RYR3: variants seen among roughly 807,000 people sequenced by gnomAD.
The protein encoded by RYR3 is ryanodine receptor 3.
A neutral mutation model predicts 584.3 loss-of-function variants in RYR3; 207 were observed. The ratio of observed to expected loss-of-function variants is 0.35; its 90% CI spans 0.32 to 0.40. The LOEUF (loss-of-function observed/expected upper bound fraction) is 0.40. RYR3 is among the 10% of genes least tolerant of loss of function. RYR3 has a pLI of 1.00. For missense variants in RYR3, 5,616 were observed against 6,089.2 expected (o/e 0.92, Z 2.59); for synonymous variants, 2,416 against 2,248.5 (o/e 1.07, Z -2.11).
intron 82 of RYR3, 35 bp downstream of exon 82, chr15:33,825,711 C>T: frequency 2.0e-6 from 2 of 1,001,788 alleles, no homozygotes; most frequent in Non-Finnish European, 1.5e-6. Context: ...CCATTCTCTT[C>T]CTGATTAAAA....
intron 1 of RYR3, among the ~76,000 whole-genome samples, chr15:33,385,163 A>G (rs1439572294): frequency 6.6e-6 from 1 of 152,208 alleles, no homozygotes; most frequent in East Asian, 1.9e-4. Flanking sequence ...GGATGTATAC[A>G]ACATTCACCA....
intron 2 of RYR3, among the ~76,000 whole-genome samples, chr15:33,492,326 A>G (rs1220056816): frequency 2.6e-5 from 4 of 152,128 alleles, no homozygotes. Flanking sequence ...TTGGAGAAAA[A>G]TATTTATAAC....
At chr15:33,699,571 G>GA (rs1030941350) in intron 40 of RYR3, 133 bp from the exon 41 acceptor site, 62 of 733,154 alleles carry the variant, frequency 8.5e-5, no homozygotes, top group Admixed American at 2.1e-4. Context: ...TAAGTCTTGA[G>GA]AAAAAAAATG....
intron 27 of RYR3, among the ~76,000 whole-genome samples, chr15:33,642,514 TCTGTAAG>T (rs1162841190): frequency 6.6e-6 from 1 of 152,236 alleles, no homozygotes; most frequent in Non-Finnish European, 1.5e-5. Context: ...TGTCCCCATT[TCTGTAAG>T]CTCCTTGGGA....
At chr15:33,445,664 AACACACACACAC>A (rs61585713) in intron 1 of RYR3, among the ~76,000 whole-genome samples, 2,607 of 106,034 alleles carry the variant, frequency 0.025, 50 homozygotes, top group Non-Finnish European at 0.029. Context: ...TTCCCCCACC[AACACACACACAC>A]ACACACACAC....
In RYR3 at chr15:33,390,306, C is replaced by T. The variant is rs557873170; in HGVS notation, c.51+79210C>T. Among the ~76,000 whole-genome samples, 71 of 152,292 alleles carry T rather than the reference C, an allele frequency of 4.7e-4. No individual in the cohort carries two copies. Among genetic ancestry groups the T allele is most frequent in the Non-Finnish European group, 8.7e-4 (59 of 68,010 alleles). ...TGTTTAGTTTGTTCTTTTAGCTGGG[C>T]CCACATGGGCCTCAGTACCAGTATA... On this transcript the variant is annotated intron_variant, in intron 1 of 103. Transcript: ENST00000634891. This position sits in a 1 kb window ranked among gnomAD's most constrained non-coding sequence, Gnocchi z 4.2.
chr15:33,319,295 C>G (rs567318941), intron 1 of RYR3, among the ~76,000 whole-genome samples: 172 of 134,790 alleles, frequency 1.3e-3, no homozygotes, highest in African/African-American at 4.8e-3. Context: ...GGAGAGATCC[C>G]GTTGGCTACC....
chr15:33,775,869 T>A (rs745572599), intron 64 of RYR3, among the ~76,000 whole-genome samples: 8 of 152,188 alleles, frequency 5.3e-5, no homozygotes, highest in Non-Finnish European at 1.0e-4. Context: ...TTAAAACCCC[T>A]ATATTCACTT....
chr15:33,842,622 T>C (rs2078442745), intron 91 of RYR3, among the ~76,000 whole-genome samples: 1 of 151,966 alleles, frequency 6.6e-6, no homozygotes, highest in African/African-American at 2.4e-5. Context: ...CACTCCAGTC[T>C]GTGGATGCTG....
chr15:33,372,428 G>A (rs549572061), intron 1 of RYR3, among the ~76,000 whole-genome samples: 2 of 142,428 alleles, frequency 1.4e-5, no homozygotes, highest in East Asian at 2.1e-4. Flanking sequence ...GCAGTGATGC[G>A]ATCTCGGCTC....
intron 98 of RYR3, 138 bp from the exon 99 acceptor site, chr15:33,857,642 A>G: frequency 9.9e-7 from 1 of 1,012,676 alleles, no homozygotes; most frequent in African/African-American, 1.6e-5. Context: ...TAGCTTTCTT[A>G]GCCGCCCTCC....
chr15:33,612,528 T>A (rs563368502), intron 18 of RYR3, among the ~76,000 whole-genome samples: 1 of 152,284 alleles, frequency 6.6e-6, no homozygotes, highest in Admixed American at 6.5e-5. Context: ...ACCCGGCTAC[T>A]TTTGTATTTT....
At chr15:33,573,610 A>G (rs886770256) in intron 12 of RYR3, among the ~76,000 whole-genome samples, 4 of 152,252 alleles carry the variant, frequency 2.6e-5, no homozygotes, top group Non-Finnish European at 5.9e-5. Context: ...GACAACAAAT[A>G]AATCATTATG....
At chr15:33,552,183 C>G (rs62012301) in intron 10 of RYR3, among the ~76,000 whole-genome samples, 1 of 152,124 alleles carries the variant, frequency 6.6e-6, no homozygotes, top group Admixed American at 6.5e-5. Flanking sequence ...GGATCCTGTT[C>G]CAAGGGGACT....
At chr15:33,686,514 C>T (rs1224127577) in intron 38 of RYR3, among the ~76,000 whole-genome samples, 2 of 152,124 alleles carry the variant, frequency 1.3e-5, no homozygotes, top group Non-Finnish European at 2.9e-5. Flanking sequence ...GGAGCTGGTA[C>T]GATTCCTTTG....
At chr15:33,312,201 C>T (rs909845462) in intron 1 of RYR3, among the ~76,000 whole-genome samples, 10 of 152,204 alleles carry the variant, frequency 6.6e-5, no homozygotes, top group African/African-American at 2.4e-4. Context: ...TTCTTTCCCT[C>T]TCTCACTTCC....
Position 33,813,005 on chromosome 15 carries a change from T to C in RYR3, c.10389+11T>C. ...TTCCACCTGGAACAGGTAAGGAGCA[T>C]CTGCCCTGAGGAATGGGGAAGCAGA... On this transcript the variant is annotated intron_variant, in intron 73 of 103. Coordinates refer to ENST00000634891, the MANE Select transcript of RYR3 (RefSeq NM_001036.6). 6.2e-7 allele frequency: 1 copy of C among 1,613,924 alleles called. No individual in the cohort carries two copies. The highest frequency in any genetic ancestry group is 8.5e-7 in the Non-Finnish European group (1 of 1,179,836).
intron 60 of RYR3, among the ~76,000 whole-genome samples, chr15:33,764,412 C>A (rs1369584928): frequency 6.6e-6 from 1 of 152,058 alleles, no homozygotes; most frequent in African/African-American, 2.4e-5. Context: ...GAACATCACA[C>A]ACCGGGGCCT....
In RYR3 at chr15:33,865,215, C is replaced by A; in HGVS notation, c.14602C>A (p.Gln4868Lys). 5 of 1,612,442 alleles carry A rather than the reference C, an allele frequency of 3.1e-6. No homozygotes were observed. Among genetic ancestry groups the A allele is most frequent in the Non-Finnish European group, 3.4e-6 (4 of 1,178,972 alleles). ...CTGCTTTCGTAAACAATATGAAGAT[C>A]AGCTTGGATAAATCTGAATCAAAGA... ...GDCFRKQYED[Q>K]LG is the part of the protein sequence containing the mutation. The change falls in exon 104 of 104, where the codon CAG (glutamine) becomes AAG (lysine). Residue 4868 changes from glutamine to lysine, a missense_variant. This residue lies in a region of RYR3 where 918 missense variants were observed against 887.4 expected (regional missense o/e 1.03). Transcript: ENST00000634891.
Sources: gnomAD v4.1 joint callset for allele counts (sites outside exome capture counted in the v4.1 genomes callset) on GRCh38, gnomAD v4.1.1 for gene constraint, gnomAD v4.1.1 regional missense constraint, Gnocchi (gnomAD v3.1) non-coding constraint, MANE v1.5 for transcripts, NCBI Gene and HGNC (gene_info 2026-07-23, HGNC 2026-07-21) for gene names.